The following PLCB1 variants were observed in gnomAD, a reference collection of about 807,000 sequenced individuals.
PLCB1 encodes phospholipase C beta 1, also known as 1-phosphatidylinositol 4,5-bisphosphate phosphodiesterase beta-1.
Under a neutral mutation model 161.8 loss-of-function variants are expected in PLCB1, and 46 were observed. The observed-to-expected ratio is 0.28, with a 90% CI of 0.22 to 0.36. The LOEUF (loss-of-function observed/expected upper bound fraction) is 0.36. Among genes scored for constraint, PLCB1 ranks in the 10% least tolerant of loss-of-function variants. The pLI is 1.00. For missense variants in PLCB1, 1,016 were observed against 1,472.5 expected, an observed-to-expected ratio of 0.69 and a Z score of 5.07; for synonymous variants, 517 against 503.7, an observed-to-expected ratio of 1.03 and a Z score of -0.35.
intron 31 of PLCB1, among the ~76,000 whole-genome samples, chr20:8,859,837 G>GA (rs376395836): frequency 3.3e-4 from 48 of 145,418 alleles, no homozygotes; most frequent in Middle Eastern, 7.2e-3. Context: ...GGAGAGGGAA[G>GA]AAAAAAAAAA....
chr20:8,813,088 C>T (rs1000374357), intron 31 of PLCB1, among the ~76,000 whole-genome samples: 9 of 152,180 alleles, frequency 5.9e-5, no homozygotes, highest in Admixed American at 1.3e-4. Flanking sequence ...CTGGACACCG[C>T]GTCCTCTCCT....
chr20:8,313,071 G>T (rs148384784), intron 2 of PLCB1, among the ~76,000 whole-genome samples: 8 of 152,228 alleles, frequency 5.3e-5, no homozygotes, highest in African/African-American at 1.2e-4. Context: ...GCCCCGGAAG[G>T]TTTCTCAGCC....
intron 3 of PLCB1, among the ~76,000 whole-genome samples, chr20:8,556,200 G>A (rs1303333304): frequency 6.6e-6 from 1 of 152,012 alleles, no homozygotes; most frequent in African/African-American, 2.4e-5. Context: ...ACCTGATTCT[G>A]GAAGGAGCAG....
At chr20:8,694,570 A>C (rs777286460) in intron 10 of PLCB1, among the ~76,000 whole-genome samples, 31 of 152,236 alleles carry the variant, frequency 2.0e-4, no homozygotes, top group Non-Finnish European at 4.1e-4. Context: ...TTCACAAGAA[A>C]ATCTAAGGAA....
chr20:8,656,557 C>T (rs934879405), intron 7 of PLCB1, among the ~76,000 whole-genome samples: 2 of 151,938 alleles, frequency 1.3e-5, no homozygotes, highest in African/African-American at 4.8e-5. Flanking sequence ...TAGAAGTGGC[C>T]TTTTATATCA....
At chr20:8,221,664 T>C (rs1979416139) in intron 2 of PLCB1, among the ~76,000 whole-genome samples, 4 of 152,236 alleles carry the variant, frequency 2.6e-5, no homozygotes, top group Middle Eastern at 3.4e-3. Context: ...CTGTCCCCCA[T>C]CAATAAATAA....
chr20:8,627,486 A>G (rs565267095), intron 3 of PLCB1, among the ~76,000 whole-genome samples: 1 of 152,326 alleles, frequency 6.6e-6, no homozygotes, highest in South Asian at 2.1e-4. Flanking sequence ...GCTGGCCAGC[A>G]AATTTGCTAA....
chr20:8,500,897 G>A (rs1983377385), intron 3 of PLCB1, among the ~76,000 whole-genome samples: 1 of 152,124 alleles, frequency 6.6e-6, no homozygotes, highest in Admixed American at 6.5e-5. Context: ...GTGGTCAGGA[G>A]GCTTAAGTGA....
intron 3 of PLCB1, among the ~76,000 whole-genome samples, chr20:8,585,228 C>T (rs1413923884): frequency 6.6e-6 from 1 of 152,132 alleles, no homozygotes; most frequent in Non-Finnish European, 1.5e-5. Context: ...TGAACTAGGT[C>T]TTTTCAGACA....
chr20:8,436,131 G>T (rs1477874420), intron 3 of PLCB1, among the ~76,000 whole-genome samples: 1 of 152,100 alleles, frequency 6.6e-6, no homozygotes, highest in African/African-American at 2.4e-5. Context: ...TTGAGGCCAG[G>T]AGTTCGAGAC....
rs1289786212 is a variant in PLCB1, at chr20:8,514,443, TC to T, written c.247-113849del. Among the ~76,000 whole-genome samples the T allele has an allele frequency of 7.3e-4, 81 of 111,366 alleles. No homozygotes were observed. The East Asian group carries it at 0.012, about 16-fold the overall frequency. The allele number at this position is 111,366 out of a possible 152,430, so 73.1% of individuals were successfully genotyped here. A position where few individuals can be genotyped will look rare whatever the true frequency, so the allele number is the denominator to read the frequency against. ...CTGGGCAACAGAGCGAGACTCCATC[TC>T]CAAAAAAAAAAAAAAAAAGGAAAAA... On this transcript the variant is annotated intron_variant, in intron 3 of 31. Transcript: ENST00000338037.
intron 2 of PLCB1, among the ~76,000 whole-genome samples, chr20:8,150,614 G>GTGT (rs899419634): frequency 2.0e-5 from 3 of 152,128 alleles, no homozygotes; most frequent in African/African-American, 7.2e-5. Context: ...TTTATATTAT[G>GTGT]TGTTAGGATA....
At chr20:8,478,416 T>A (rs1982369584) in intron 3 of PLCB1, among the ~76,000 whole-genome samples, 1 of 152,118 alleles carries the variant, frequency 6.6e-6, no homozygotes, top group African/African-American at 2.4e-5. Flanking sequence ...AATTTAGGCT[T>A]CACAGAGCCA....
At chr20:8,421,863 T>A (rs1979550184) in intron 3 of PLCB1, among the ~76,000 whole-genome samples, 2 of 152,204 alleles carry the variant, frequency 1.3e-5, no homozygotes, top group South Asian at 4.1e-4. Flanking sequence ...GATTCTCAGG[T>A]AAAATGAATA....
intron 3 of PLCB1, among the ~76,000 whole-genome samples, chr20:8,449,562 T>A (rs1000945064): frequency 6.6e-6 from 1 of 152,196 alleles, no homozygotes; most frequent in African/African-American, 2.4e-5. Context: ...AGTGGAATGA[T>A]GGGGATGGTT....
At chr20:8,632,885 T>C (rs1988642263) in intron 4 of PLCB1, among the ~76,000 whole-genome samples, 1 of 152,164 alleles carries the variant, frequency 6.6e-6, no homozygotes, top group Admixed American at 6.5e-5. Context: ...CTTTGGCTTT[T>C]ACTGTGAGTG....
intron 2 of PLCB1, among the ~76,000 whole-genome samples, chr20:8,207,120 T>C (rs902070034): frequency 4.2e-5 from 4 of 94,708 alleles, no homozygotes; most frequent in Non-Finnish European, 9.3e-5. Flanking sequence ...TTATTTTTCC[T>C]TTAAATTCTC....
At chr20:8,454,135 A>C (rs748159365) in intron 3 of PLCB1, among the ~76,000 whole-genome samples, 33 of 152,060 alleles carry the variant, frequency 2.2e-4, no homozygotes, top group Non-Finnish European at 1.0e-4. Flanking sequence ...TGAGGAAATA[A>C]ATTCCTGTTG....
intron 3 of PLCB1, among the ~76,000 whole-genome samples, chr20:8,396,043 C>T (rs1478509333): frequency 6.6e-6 from 1 of 151,872 alleles, no homozygotes; most frequent in African/African-American, 2.4e-5. Context: ...ATATTCATGC[C>T]CTGTTTAGAT....
Sources: allele counts gnomAD v4.1 joint callset (sites outside exome capture counted in the v4.1 genomes callset), GRCh38; gene constraint gnomAD v4.1.1; transcripts MANE v1.5; gene names NCBI Gene and HGNC (gene_info 2026-07-23, HGNC 2026-07-21).